The following LRP1B variants were observed in gnomAD, a reference collection of about 807,000 sequenced individuals.
LRP1B encodes LDL receptor related protein 1B.
Under a neutral mutation model 556.6 loss-of-function variants are expected in LRP1B, and 217 were observed. The ratio of observed to expected loss-of-function variants is 0.39; its 90% CI spans 0.35 to 0.44. The LOEUF is 0.44. Among genes scored for constraint, LRP1B ranks in the 20% least tolerant of loss-of-function variants. The pLI is 1.00. For synonymous variants in LRP1B, 2,047 were observed against 1,865.8 expected (o/e 1.10, Z -2.50); for missense variants, 5,053 against 5,620.8 (o/e 0.90, Z 3.23).
At chr2:142,086,163 G>A (rs1431102618) in intron 1 of LRP1B, among the ~76,000 whole-genome samples, 1 of 152,128 alleles carries the variant, frequency 6.6e-6, no homozygotes, top group Non-Finnish European at 1.5e-5. Context: ...CATTTTCCAA[G>A]TGCGAAAATG....
intron 1 of LRP1B, among the ~76,000 whole-genome samples, chr2:141,824,464 A>C (rs548901611): frequency 2.6e-5 from 4 of 152,224 alleles, no homozygotes; most frequent in African/African-American, 9.6e-5. Context: ...GGTTCACGCC[A>C]TTCTCCTGCC....
intron 73 of LRP1B, among the ~76,000 whole-genome samples, 188 bp downstream of exon 73, chr2:140,358,633 A>G (rs1177627566): frequency 1.3e-5 from 2 of 151,710 alleles, no homozygotes; most frequent in Non-Finnish European, 2.9e-5. Flanking sequence ...ACTATGGATA[A>G]AGGTGCACAC....
chr2:140,811,063 G>C (rs1206060267), intron 32 of LRP1B, among the ~76,000 whole-genome samples: 1 of 151,598 alleles, frequency 6.6e-6, no homozygotes, highest in Non-Finnish European at 1.5e-5. Context: ...TTTGTTTTTT[G>C]TTTTTTTATT....
intron 2 of LRP1B, among the ~76,000 whole-genome samples, chr2:141,584,012 A>G (rs796712435): frequency 1.3e-5 from 2 of 151,790 alleles, no homozygotes; most frequent in African/African-American, 4.8e-5. Context: ...TTTTTGTGGC[A>G]GCCGGCAAAT....
intron 2 of LRP1B, among the ~76,000 whole-genome samples, chr2:141,689,487 T>C (rs747633755): frequency 4.6e-5 from 7 of 151,804 alleles, no homozygotes; most frequent in Non-Finnish European, 1.0e-4. Context: ...CATACATGAT[T>C]TATATCCTTT....
intron 1 of LRP1B, among the ~76,000 whole-genome samples, chr2:141,935,427 G>T (rs1700609940): frequency 6.6e-6 from 1 of 152,094 alleles, no homozygotes; most frequent in Non-Finnish European, 1.5e-5. Context: ...TTTGACATCT[G>T]TCAATTAGAC....
chr2:140,924,519 C>A (rs1017596487), intron 20 of LRP1B, among the ~76,000 whole-genome samples: 2 of 151,860 alleles, frequency 1.3e-5, no homozygotes, highest in Non-Finnish European at 2.9e-5. Context: ...ATTGCTTGTG[C>A]AGTAATGCTG....
At chr2:140,840,593 C>A (rs1480028490) in intron 30 of LRP1B, among the ~76,000 whole-genome samples, 1 of 152,162 alleles carries the variant, frequency 6.6e-6, no homozygotes, top group East Asian at 1.9e-4. Flanking sequence ...CAACATGTAG[C>A]ACATGCATTT....
intron 83 of LRP1B, among the ~76,000 whole-genome samples, chr2:140,308,751 CTT>C (rs777524233): frequency 4.6e-5 from 7 of 151,806 alleles, no homozygotes; most frequent in Admixed American, 3.3e-4. Flanking sequence ...TTAAGTGACA[CTT>C]AAACTGCAGA....
intron 1 of LRP1B, among the ~76,000 whole-genome samples, chr2:142,012,361 A>G (rs570484276): frequency 3.9e-5 from 6 of 152,236 alleles, no homozygotes; most frequent in African/African-American, 1.4e-4. Context: ...TATATTCTTT[A>G]TCTTACAAAA....
At chr2:140,833,473 A>G (rs1691788908) in intron 31 of LRP1B, among the ~76,000 whole-genome samples, 1 of 152,166 alleles carries the variant, frequency 6.6e-6, no homozygotes, top group South Asian at 2.1e-4. Flanking sequence ...TGTTTCTTAA[A>G]TGTATGTATG....
At chr2:141,604,354 G>C (rs532390126) in intron 2 of LRP1B, among the ~76,000 whole-genome samples, 8 of 152,112 alleles carry the variant, frequency 5.3e-5, no homozygotes, top group Admixed American at 5.2e-4. Context: ...GTGTACAGAG[G>C]ACATAATTTA....
intron 1 of LRP1B, among the ~76,000 whole-genome samples, chr2:141,987,480 T>C (rs1475668617): frequency 6.6e-6 from 1 of 151,820 alleles, no homozygotes; most frequent in Non-Finnish European, 1.5e-5. Flanking sequence ...TGTCTCTGGC[T>C]GCGACACAGT....
In LRP1B at chr2:140,232,092, A is replaced by G. The variant is rs1680499403; in HGVS notation, c.*1094T>C. The G allele has an allele frequency of 6.6e-6, 1 of 151,186 alleles. No homozygotes were observed. Among genetic ancestry groups the G allele is most frequent in the South Asian group, 2.1e-4 (1 of 4,820 alleles). 9.4% of individuals were successfully genotyped at this position (151,186 alleles called of 1,614,324 possible). On this transcript the variant is annotated 3_prime_UTR_variant, in exon 91 of 91. Coordinates refer to ENST00000389484, the MANE Select transcript of LRP1B (RefSeq NM_018557.3). ...ATGGGAAGATCATTGTTCTTCTACA[A>G]CTTGGAAGGCCCTTGAATATATTTT...
chr2:140,733,230 A>T (rs983517899), intron 35 of LRP1B, among the ~76,000 whole-genome samples: 2 of 152,130 alleles, frequency 1.3e-5, no homozygotes, highest in African/African-American at 4.8e-5. Context: ...GTATAGTACG[A>T]ATAACCCTTT....
At chr2:141,983,039 AG>A (rs1295264189) in intron 1 of LRP1B, among the ~76,000 whole-genome samples, 1 of 152,322 alleles carries the variant, frequency 6.6e-6, no homozygotes, top group Non-Finnish European at 1.5e-5. Context: ...ATAGTGTTCT[AG>A]AACAGGAAAG....
At chr2:141,499,634 A>G (rs1178312334) in intron 2 of LRP1B, among the ~76,000 whole-genome samples, 1 of 152,056 alleles carries the variant, frequency 6.6e-6, no homozygotes, top group Non-Finnish European at 1.5e-5. Context: ...CTCAGATGTC[A>G]CATTTTAAAA....
intron 3 of LRP1B, among the ~76,000 whole-genome samples, chr2:141,273,265 T>C (rs1194613760): frequency 3.3e-5 from 5 of 151,116 alleles, no homozygotes; most frequent in African/African-American, 4.9e-5. Context: ...ACCGAGATCA[T>C]ACCACTGCAC....
chr2:142,092,227 G>C (rs576153553), intron 1 of LRP1B, among the ~76,000 whole-genome samples: 14 of 152,280 alleles, frequency 9.2e-5, no homozygotes, highest in Middle Eastern at 3.4e-3. Context: ...TTCAGAGGAA[G>C]TACCTAGTGA....
Sources: gnomAD v4.1 joint callset for allele counts (sites outside exome capture counted in the v4.1 genomes callset) on GRCh38, gnomAD v4.1.1 for gene constraint, MANE v1.5 for transcripts, NCBI Gene and HGNC (gene_info 2026-07-23, HGNC 2026-07-21) for gene names.